WWOX: variants seen among roughly 807,000 people sequenced by gnomAD.
WWOX encodes the protein WW domain containing oxidoreductase.
In WWOX, 69 loss-of-function variants were observed where a neutral mutation model predicts 46.2. That is an observed-to-expected ratio of 1.49 (90% CI 1.23 to 1.82). The LOEUF (loss-of-function observed/expected upper bound fraction) is 1.82. WWOX is among the 40% of genes most tolerant of loss of function. The pLI is 0.00. For missense variants in WWOX, 919 were observed against 542.6 expected (o/e 1.69, Z -6.89); for synonymous variants, 359 against 202.6 (o/e 1.77, Z -6.56).
chr16:78,476,124 C>T (rs1200022191), intron 8 of WWOX, among the ~76,000 whole-genome samples: 2 of 152,140 alleles, frequency 1.3e-5, no homozygotes, highest in Non-Finnish European at 2.9e-5. Flanking sequence ...CAAATCTTGC[C>T]TGTGATACAG....
intron 8 of WWOX, among the ~76,000 whole-genome samples, chr16:79,050,341 T>C (rs1282653434): frequency 6.6e-6 from 1 of 152,150 alleles, no homozygotes; most frequent in Admixed American, 6.5e-5. Context: ...GGGGTGGTTC[T>C]CCTCCACATG....
At chr16:78,168,194 A>G (rs1226786761) in intron 5 of WWOX, 2 of 152,188 alleles carry the variant, frequency 1.3e-5, no homozygotes, top group Non-Finnish European at 2.9e-5. Context: ...GCTTCTGGAG[A>G]TAAGAGTTCA....
chr16:78,334,148 C>T (rs1231679595), intron 5 of WWOX, among the ~76,000 whole-genome samples: 1 of 152,144 alleles, frequency 6.6e-6, no homozygotes, highest in East Asian at 1.9e-4. Context: ...GTTAGCCATA[C>T]CTGGAAATGT....
At chr16:78,178,994 C>A (rs1176289418) in intron 5 of WWOX, among the ~76,000 whole-genome samples, 1 of 152,018 alleles carries the variant, frequency 6.6e-6, no homozygotes, top group Non-Finnish European at 1.5e-5. Flanking sequence ...CATTTTGTAT[C>A]ATTGGAGGAG....
intron 8 of WWOX, among the ~76,000 whole-genome samples, chr16:78,962,621 T>C (rs1459106855): frequency 1.3e-5 from 2 of 152,058 alleles, no homozygotes; most frequent in Non-Finnish European, 1.5e-5. Context: ...ATTCAGAAAA[T>C]GTGAGCTGCT....
chr16:78,457,595 G>GGGGC (rs1396969143), intron 8 of WWOX, among the ~76,000 whole-genome samples: 1 of 151,908 alleles, frequency 6.6e-6, no homozygotes, highest in Admixed American at 6.5e-5. Context: ...AACATTTGTG[G>GGGGC]GGGCTGCAGA....
At chr16:79,188,297 C>G (rs915535338) in intron 8 of WWOX, among the ~76,000 whole-genome samples, 13 of 152,316 alleles carry the variant, frequency 8.5e-5, no homozygotes, top group East Asian at 1.9e-4. Flanking sequence ...GGCGTTCAAG[C>G]TGGCCTCGTG....
intron 8 of WWOX, among the ~76,000 whole-genome samples, chr16:78,965,560 C>G (rs559399418): frequency 2.3e-4 from 34 of 146,158 alleles, no homozygotes; most frequent in Non-Finnish European, 4.9e-4. Context: ...ACGAGCAAAA[C>G]TCCATCTTAA....
intron 8 of WWOX, among the ~76,000 whole-genome samples, chr16:78,709,988 C>T (rs140916545): frequency 0.011 from 1,701 of 152,258 alleles, 12 homozygotes; most frequent in South Asian, 0.023. Flanking sequence ...TCCTTGTCCT[C>T]CCAAAGTGTT....
chr16:78,145,857 G>A (rs3850110), intron 4 of WWOX: 126,194 of 152,124 alleles, frequency 0.83, 52,514 homozygotes, highest in East Asian at 0.99. Flanking sequence ...CCCATCTCCA[G>A]ATGCAGTCAT....
intron 8 of WWOX, among the ~76,000 whole-genome samples, chr16:78,749,104 G>T (rs1304996802): frequency 5.3e-5 from 8 of 152,174 alleles, no homozygotes; most frequent in African/African-American, 1.9e-4. Flanking sequence ...GGGGTTGGTG[G>T]ACCGAGGCTA....
At chr16:78,363,145 T>TG (rs1279988048) in intron 5 of WWOX, among the ~76,000 whole-genome samples, 10 of 151,914 alleles carry the variant, frequency 6.6e-5, no homozygotes, top group African/African-American at 2.4e-4. Flanking sequence ...TGTGTATGTG[T>TG]TTGTGTGTGT....
chr16:78,376,649 G>A lies in WWOX; in HGVS notation c.517-10211G>A, dbSNP rs143719124. ...TGTTATGGGGGCTGTTCTGTTCGTT[G>A]TAAGATATTGAGTAGCATCCCTGAC... On this transcript the variant is annotated intron_variant, in intron 5 of 8. Coordinates refer to ENST00000566780, the MANE Select transcript of WWOX (RefSeq NM_016373.4). Among the ~76,000 whole-genome samples the A allele has an allele frequency of 4.6e-5, 7 of 152,294 alleles. No homozygotes were observed. The East Asian group carries it at 1.4e-3, about 29-fold the overall frequency.
intron 8 of WWOX, among the ~76,000 whole-genome samples, chr16:78,643,488 A>C (rs1400034681): frequency 6.6e-6 from 1 of 152,090 alleles, no homozygotes; most frequent in African/African-American, 2.4e-5. Flanking sequence ...CAATTAGGCG[A>C]CTTCTAACAT....
At chr16:78,966,552 T>G (rs2046365972) in intron 8 of WWOX, among the ~76,000 whole-genome samples, 3 of 152,174 alleles carry the variant, frequency 2.0e-5, no homozygotes, top group African/African-American at 4.8e-5. Flanking sequence ...AAAATTTAGA[T>G]TGTTTCTAAA....
intron 5 of WWOX, among the ~76,000 whole-genome samples, chr16:78,238,537 A>G (rs148870459): frequency 1.4e-4 from 21 of 152,260 alleles, no homozygotes; most frequent in Non-Finnish European, 2.8e-4. Flanking sequence ...TTTTCACTGA[A>G]GAAATAGAAA....
intron 8 of WWOX, chr16:79,017,075 A>G (rs1225213578): frequency 2.0e-5 from 3 of 152,080 alleles, no homozygotes; most frequent in African/African-American, 7.2e-5. Flanking sequence ...CGGGTATATT[A>G]TGTCCCTCTG....
chr16:78,856,663 A>G (rs1157644830), intron 8 of WWOX, among the ~76,000 whole-genome samples: 1 of 152,152 alleles, frequency 6.6e-6, no homozygotes, highest in Non-Finnish European at 1.5e-5. Flanking sequence ...AAGAAATGGA[A>G]TAGATCTCTT....
chr16:78,247,672 C>G (rs888389524), intron 5 of WWOX, among the ~76,000 whole-genome samples: 1 of 152,240 alleles, frequency 6.6e-6, no homozygotes, highest in Admixed American at 6.5e-5. Flanking sequence ...ACTCCTGCGT[C>G]TCTGGCCTTG....
Sources: gnomAD v4.1 joint callset for allele counts (sites outside exome capture counted in the v4.1 genomes callset) on GRCh38, gnomAD v4.1.1 for gene constraint, MANE v1.5 for transcripts, NCBI Gene and HGNC (gene_info 2026-07-23, HGNC 2026-07-21) for gene names.